NEK1: variants seen among roughly 807,000 people sequenced by gnomAD.
NEK1 encodes serine/threonine-protein kinase Nek1.
NEK1 carries 137 observed loss-of-function variants against 182.1 expected under a neutral mutation model. The ratio of observed to expected loss-of-function variants is 0.75; its 90% CI spans 0.65 to 0.87. The LOEUF is 0.87. Ranked by LOEUF, NEK1 falls within the 40% of genes least tolerant of loss-of-function variation. The pLI is 0.00. For missense variants in NEK1, 1,391 were observed against 1,494.4 expected, an observed-to-expected ratio of 0.93 and a Z score of 1.14; for synonymous variants, 513 against 492.2, an observed-to-expected ratio of 1.04 and a Z score of -0.56.
At chr4:169,486,330 G>T (rs970234543) in intron 23 of NEK1, among the ~76,000 whole-genome samples, 2 of 152,128 alleles carry the variant, frequency 1.3e-5, no homozygotes, top group Admixed American at 1.3e-4. Flanking sequence ...AAATTAAGCA[G>T]CAGTGCCACC....
intron 12 of NEK1, among the ~76,000 whole-genome samples, chr4:169,571,736 C>CT (rs914799438): frequency 5.9e-5 from 9 of 151,406 alleles, no homozygotes; most frequent in Non-Finnish European, 1.0e-4. Context: ...CTCTGGCTTG[C>CT]TTTTTTTTCT....
chr4:169,524,809 C>T (rs1228067483), intron 19 of NEK1, among the ~76,000 whole-genome samples: 4 of 152,142 alleles, frequency 2.6e-5, no homozygotes, highest in East Asian at 1.9e-4. Flanking sequence ...AACACATGAA[C>T]GTTATGGGAA....
intron 27 of NEK1, among the ~76,000 whole-genome samples, chr4:169,447,014 C>T (rs981821255): frequency 5.3e-5 from 8 of 151,670 alleles, no homozygotes; most frequent in Admixed American, 1.3e-4. Context: ...GACCGGGGTA[C>T]AAAGTTTATT....
intron 23 of NEK1, among the ~76,000 whole-genome samples, chr4:169,485,566 T>C (rs1254938734): frequency 6.6e-6 from 1 of 152,096 alleles, no homozygotes; most frequent in Non-Finnish European, 1.5e-5. Flanking sequence ...ATACGGAAAG[T>C]TGAGCAAATA....
At chr4:169,441,712 G>A (rs578236423) in intron 27 of NEK1, among the ~76,000 whole-genome samples, 25 of 152,316 alleles carry the variant, frequency 1.6e-4, no homozygotes, top group Non-Finnish European at 2.8e-4. Flanking sequence ...GCCTGTATAA[G>A]CTTTCCAGGG....
chr4:169,424,419 A>T (rs1204660626), intron 31 of NEK1, 134 bp downstream of exon 31: 1 of 1,043,084 alleles, frequency 9.6e-7, no homozygotes, highest in Non-Finnish European at 1.3e-6. Flanking sequence ...TTTGCTCAGA[A>T]GATGGAGGTT....
At chr4:169,421,041 T>C (rs775656386) in intron 31 of NEK1, among the ~76,000 whole-genome samples, 4 of 152,264 alleles carry the variant, frequency 2.6e-5, no homozygotes, top group East Asian at 1.9e-4. Flanking sequence ...AGATTAAGCA[T>C]AAGAGAGCTG....
chr4:169,442,045 G>T (rs1466026233), intron 27 of NEK1, among the ~76,000 whole-genome samples: 1 of 152,036 alleles, frequency 6.6e-6, no homozygotes, highest in Non-Finnish European at 1.5e-5. Context: ...ACCACTGCTG[G>T]TGCCCATGAG....
chr4:169,421,094 G>A (rs1393077664), intron 31 of NEK1, among the ~76,000 whole-genome samples: 1 of 152,158 alleles, frequency 6.6e-6, no homozygotes, highest in Non-Finnish European at 1.5e-5. Context: ...CAGACAAGGT[G>A]ATATGACCAG....
intron 23 of NEK1, among the ~76,000 whole-genome samples, chr4:169,494,557 T>C (rs1490633854): frequency 6.6e-6 from 1 of 152,190 alleles, no homozygotes; most frequent in African/African-American, 2.4e-5. Context: ...GCAATAAACA[T>C]ACGTGTGCTT....
intron 27 of NEK1, among the ~76,000 whole-genome samples, chr4:169,456,943 TAA>T (rs1469279180): frequency 1.3e-5 from 2 of 152,194 alleles, no homozygotes; most frequent in Non-Finnish European, 1.5e-5. Context: ...TTAAGTGATA[TAA>T]GACAGGCACA....
intron 29 of NEK1, among the ~76,000 whole-genome samples, chr4:169,430,931 G>T (rs938603084): frequency 4.0e-5 from 6 of 151,458 alleles, no homozygotes; most frequent in Non-Finnish European, 1.5e-5. Context: ...ATTGCTTACA[G>T]AAATCTATTA....
chr4:169,605,889 C>G (rs146697024), intron 2 of NEK1, among the ~76,000 whole-genome samples: 1 of 152,164 alleles, frequency 6.6e-6, no homozygotes, highest in Non-Finnish European at 1.5e-5. Context: ...TTTGAGCTTT[C>G]CAAAGAGTTA....
chr4:169,591,924 G>A (rs1768580627), intron 5 of NEK1, among the ~76,000 whole-genome samples: 1 of 151,876 alleles, frequency 6.6e-6, no homozygotes, highest in South Asian at 2.1e-4. Flanking sequence ...TCAAATCACT[G>A]AGAAAAGTAC....
At chr4:169,416,422 CAAGGTAAATACAA>C (rs935988769) in intron 31 of NEK1, among the ~76,000 whole-genome samples, 3 of 152,202 alleles carry the variant, frequency 2.0e-5, no homozygotes, top group Non-Finnish European at 4.4e-5. Context: ...ACAGCATCCT[CAAGGTAAATACAA>C]AAGTCTTCTA....
chr4:169,570,976 G>C (rs1478916550), intron 12 of NEK1, among the ~76,000 whole-genome samples: 1 of 151,906 alleles, frequency 6.6e-6, no homozygotes, highest in Non-Finnish European at 1.5e-5. Flanking sequence ...GATGCTTGAA[G>C]GCAGCATGCT....
At chr4:169,402,619 T>C (rs367967263) in intron 32 of NEK1, among the ~76,000 whole-genome samples, 31 of 152,190 alleles carry the variant, frequency 2.0e-4, no homozygotes, top group African/African-American at 7.0e-4. Context: ...AAATAATACC[T>C]TACATTTATA....
At chr4:169,583,078 G>A (rs1414461301) in intron 10 of NEK1, among the ~76,000 whole-genome samples, 1 of 152,062 alleles carries the variant, frequency 6.6e-6, no homozygotes, top group Non-Finnish European at 1.5e-5. Flanking sequence ...AGTGATACTG[G>A]AAATAATAGT....
In NEK1 at chr4:169,587,574, A is replaced by G. The variant is rs755160503; in HGVS notation, c.591T>C (p.Cys197=). The change falls in exon 9 of 36, where the codon TGT becomes TGC. Residue 197 remains cysteine, a synonymous_variant. Transcript: ENST00000507142. ...TTCTACTTACAGCATGTTTAAGTGTACACAGCTCATAAAGGACACACCCCA... is the reference window on the plus strand; with the variant it reads ...TTCTACTTACAGCATGTTTAAGTGTGCACAGCTCATAAAGGACACACCCCA... The part of the protein sequence containing the change: ...WALGCVLYEL[C]TLKHAFEAGS... The G allele has an allele frequency of 3.0e-5, 46 of 1,544,760 alleles. No individual in the cohort carries two copies. Among genetic ancestry groups the G allele is most frequent in the Non-Finnish European group, 3.2e-5 (36 of 1,140,280 alleles).
Sources: gnomAD v4.1 joint callset for allele counts (sites outside exome capture counted in the v4.1 genomes callset) on GRCh38, gnomAD v4.1.1 for gene constraint, MANE v1.5 for transcripts, NCBI Gene and HGNC (gene_info 2026-07-23, HGNC 2026-07-21) for gene names.